The following FLCN variants were observed in gnomAD, a reference collection of about 807,000 sequenced individuals.
The protein encoded by FLCN is BHD skin lesion fibrofolliculoma protein.
FLCN carries 22 observed loss-of-function variants against 62.5 expected under a neutral mutation model. The ratio of observed to expected loss-of-function variants is 0.35; its 90% CI spans 0.25 to 0.50. The LOEUF (loss-of-function observed/expected upper bound fraction) is 0.50, where lower values mean the gene tolerates loss of function less well. FLCN is among the 20% of genes least tolerant of loss of function. FLCN has a pLI of 0.97. For missense variants in FLCN, 657 were observed against 778.0 expected (o/e 0.84, Z 1.85); for synonymous variants, 319 against 310.0 (o/e 1.03, Z -0.30).
chr17:17,217,972 G>A (rs1478538586), intron 9 of FLCN, among the ~76,000 whole-genome samples: 3 of 152,138 alleles, frequency 2.0e-5, no homozygotes, highest in Non-Finnish European at 4.4e-5. Flanking sequence ...CAACGGACAA[G>A]GAAGGTTTCA....
At chr17:17,226,439 G>A in intron 4 of FLCN, 117 bp from the exon 5 acceptor site, 1 of 1,254,768 alleles carries the variant, frequency 8.0e-7, no homozygotes, top group Non-Finnish European at 1.1e-6. Flanking sequence ...AAAATAATTG[G>A]CTTCCAGATT....
At chr17:17,222,154 T>C (rs1366999069) in intron 7 of FLCN, among the ~76,000 whole-genome samples, 6 of 151,674 alleles carry the variant, frequency 4.0e-5, no homozygotes, top group Admixed American at 3.3e-4. Flanking sequence ...CTGGCCAACA[T>C]GGTGAAACCC....
At chr17:17,226,042 G>T in intron 5 of FLCN, 134 bp downstream of exon 5, 1 of 1,257,234 alleles carries the variant, frequency 8.0e-7, no homozygotes, top group Non-Finnish European at 1.1e-6. Context: ...ACCCTGTGCT[G>T]TGCTGATCTG....
intron 1 of FLCN, among the ~76,000 whole-genome samples, chr17:17,234,563 G>A (rs924827859): frequency 8.6e-5 from 13 of 151,582 alleles, no homozygotes; most frequent in Admixed American, 2.6e-4. Flanking sequence ...AAAAGCACTC[G>A]CTGGGTGCAG....
intron 1 of FLCN, chr17:17,235,864 T>C (rs972358096): frequency 6.6e-6 from 1 of 152,228 alleles, no homozygotes; most frequent in Non-Finnish European, 1.5e-5. Context: ...ATGCCCTGGC[T>C]GACAGTCTCT....
chr17:17,216,977 G>T lies in FLCN; in HGVS notation c.1176+92C>A. The T allele has an allele frequency of 1.1e-6, 1 of 929,172 alleles. No homozygotes were observed. The highest frequency in any genetic ancestry group is 1.8e-6 in the Non-Finnish European group (1 of 569,850). The allele number at this position is 929,172 out of a possible 1,614,324, so 57.6% of individuals were successfully genotyped here. On this transcript the variant is annotated intron_variant, in intron 10 of 13. Coordinates refer to ENST00000285071, the MANE Select transcript of FLCN (RefSeq NM_144997.7). This position sits in a 1 kb window ranked among gnomAD's most constrained non-coding sequence, Gnocchi z 4.0. Reference sequence around the variant, plus strand: ...GTGTGGTGCACAGCGGTTCTGTGCTGGGCAGTCGGTGCACCTTGGCATCCC... The same window carrying T: ...GTGTGGTGCACAGCGGTTCTGTGCTTGGCAGTCGGTGCACCTTGGCATCCC...
chr17:17,228,637 C>T lies in FLCN; in HGVS notation c.-24-476G>A, dbSNP rs543198678. ...ATGCAGCTTACCTCCTGCAGGGGGT[C>T]GGCGGGGGACACAGGAAAACTGCTT... is the stretch of plus-strand genomic sequence containing the variant. On this transcript the variant is annotated intron_variant, in intron 3 of 13. Coordinates refer to ENST00000285071, the MANE Select transcript of FLCN (RefSeq NM_144997.7). 5.1e-5 allele frequency: 9 copies of T among 175,696 alleles called. No individual in the cohort carries two copies. In the South Asian group the frequency reaches 9.5e-4, roughly 18 times the overall value. The allele number at this position is 175,696 out of a possible 1,614,324, so 10.9% of individuals were successfully genotyped here. A position where few individuals can be genotyped will look rare whatever the true frequency, so the allele number is the denominator to read the frequency against.
At chr17:17,217,487 CAG>C in intron 9 of FLCN, 1 of 431,148 alleles carries the variant, frequency 2.3e-6, no homozygotes, top group South Asian at 2.1e-5. Context: ...CTTCTCTCTA[CAG>C]ACACTTTCTG....
At chr17:17,219,880 C>T (rs1389617602) in intron 8 of FLCN, 3 of 153,204 alleles carry the variant, frequency 2.0e-5, no homozygotes, top group Admixed American at 1.9e-4. Context: ...GGCTTTGTTA[C>T]AAGGGTATGC....
rs565858485 is a variant in FLCN at position 17,216,332 on chromosome 17, G to C, written c.1300+48C>G. 1.3e-4 allele frequency: 209 copies of C among 1,609,680 alleles called. 3 individuals carry two copies. The East Asian group carries it at 3.5e-3, about 27-fold the overall frequency. On this transcript the variant is annotated intron_variant, in intron 11 of 13. Coordinates refer to ENST00000285071, the MANE Select transcript of FLCN (RefSeq NM_144997.7). The surrounding 1 kb of genome is among the most constrained non-coding windows in gnomAD (Gnocchi z 4.0). ...GGTTCCACTTTGGGCCTGAGGCGTGGGGAACCTCAGCGCAGGGCATGGCCC... is the reference window on the plus strand; with the variant it reads ...GGTTCCACTTTGGGCCTGAGGCGTGCGGAACCTCAGCGCAGGGCATGGCCC...
At chr17:17,219,505 C>A (rs1427934784) in intron 8 of FLCN, 2 of 401,954 alleles carry the variant, frequency 5.0e-6, no homozygotes, top group Non-Finnish European at 9.2e-6. Context: ...AGCGTGTCTA[C>A]GGAACACACC....
In FLCN at chr17:17,226,196, C is replaced by T. The variant is rs1483801729; in HGVS notation, c.376G>A (p.Val126Ile). The change falls in exon 5 of 14, where the codon GTC becomes ATC. Residue 126 changes from valine (V) to isoleucine (I), a missense_variant. Transcript: ENST00000285071. Reference sequence around the variant, plus strand: ...CTCACCTCACAGCTCAGGCTCCGGACACAGGCCTGGCGGACAATGCTGAAG... The same window carrying T: ...CTCACCTCACAGCTCAGGCTCCGGATACAGGCCTGGCGGACAATGCTGAAG... Reference protein sequence around the residue: ...QLFSIVRQACVRSLSCEVCPG... With the variant: ...QLFSIVRQACIRSLSCEVCPG... The T allele has an allele frequency of 6.2e-7, 1 of 1,614,086 alleles. No homozygotes were observed. Among genetic ancestry groups the T allele is most frequent in the South Asian group, 1.1e-5 (1 of 91,078 alleles).
At chr17:17,233,324 G>A (rs545275185) in intron 1 of FLCN, among the ~76,000 whole-genome samples, 6 of 152,130 alleles carry the variant, frequency 3.9e-5, no homozygotes, top group East Asian at 1.9e-4. Context: ...CAGGCCGGGC[G>A]CGGTGGCTCA....
chr17:17,213,181 T>A lies in FLCN; in HGVS notation c.*474A>T. On this transcript the variant is annotated 3_prime_UTR_variant, in exon 14 of 14. Transcript: ENST00000285071. ...TCACTCAGTGACCAAGAGCTGGCAA[T>A]GTACTGAATATTCACAACTGCAGCA... 1 of 349,258 alleles carries A rather than the reference T, an allele frequency of 2.9e-6. No homozygotes were observed. Among genetic ancestry groups the A allele is most frequent in the South Asian group, 4.1e-5 (1 of 24,584 alleles). 21.6% of individuals were successfully genotyped at this position (349,258 alleles called of 1,614,324 possible).
intron 3 of FLCN, among the ~76,000 whole-genome samples, chr17:17,230,923 G>C (rs1466131821): frequency 6.6e-6 from 1 of 151,982 alleles, no homozygotes; most frequent in African/African-American, 2.4e-5. Flanking sequence ...TAGGCTGAGT[G>C]CGGTTGTTCA....
At chr17:17,221,770 AT>A (rs2047098494) in intron 7 of FLCN, 142 bp from the exon 8 acceptor site, 2 of 878,680 alleles carry the variant, frequency 2.3e-6, no homozygotes, top group Non-Finnish European at 3.6e-6. Context: ...CAGATCCCGC[AT>A]GCAGGCAGTT....
At chr17:17,222,702 C>T (rs779747666) in intron 6 of FLCN, 41 bp from the exon 7 acceptor site, 6 of 1,613,752 alleles carry the variant, frequency 3.7e-6, no homozygotes, top group African/African-American at 1.3e-5. Context: ...TAAGCCAAAG[C>T]TGCCAGCAGC....
intron 8 of FLCN, chr17:17,220,503 C>G (rs973740455): frequency 6.6e-6 from 1 of 152,244 alleles, no homozygotes; most frequent in Non-Finnish European, 1.5e-5. Context: ...TTTCACATCA[C>G]GAGACCCAAA....
intron 2 of FLCN, 24 bp downstream of exon 2, chr17:17,232,764 C>T (rs1285012047): frequency 6.6e-6 from 1 of 152,660 alleles, no homozygotes; most frequent in Non-Finnish European, 1.5e-5. Flanking sequence ...AGTCTCAGCC[C>T]ACCTGCAGAG....
Sources: gnomAD v4.1 joint callset for allele counts (sites outside exome capture counted in the v4.1 genomes callset) on GRCh38, gnomAD v4.1.1 for gene constraint, Gnocchi (gnomAD v3.1) non-coding constraint, MANE v1.5 for transcripts, NCBI Gene and HGNC (gene_info 2026-07-23, HGNC 2026-07-21) for gene names.